Variants in FRAS1 observed in about 807,000 individuals in gnomAD.
The protein encoded by FRAS1 is Fraser extracellular matrix complex subunit 1.
A neutral mutation model predicts 435.2 loss-of-function variants in FRAS1; 290 were observed. The ratio of observed to expected loss-of-function variants is 0.67; its 90% CI spans 0.61 to 0.73. The LOEUF is 0.73. Ranked by LOEUF, FRAS1 falls within the 30% of genes least tolerant of loss-of-function variation. The probability of loss-of-function intolerance (pLI) is 0.00; values close to 1 mark genes in which losing one functional copy is unlikely to be tolerated. For missense variants in FRAS1, 4,860 were observed against 5,001.5 expected, an observed-to-expected ratio of 0.97 and a Z score of 0.85; for synonymous variants, 1,800 against 1,851.0, an observed-to-expected ratio of 0.97 and a Z score of 0.71.
chr4:78,253,774 G>A (rs1022249165), intron 5 of FRAS1, among the ~76,000 whole-genome samples: 5 of 152,164 alleles, frequency 3.3e-5, no homozygotes, highest in Non-Finnish European at 7.3e-5. Context: ...TGCATTCACA[G>A]CTCCTGAGAA....
chr4:78,087,634 G>T (rs1340778765), intron 2 of FRAS1, among the ~76,000 whole-genome samples: 1 of 152,054 alleles, frequency 6.6e-6, no homozygotes, highest in Non-Finnish European at 1.5e-5. Flanking sequence ...ACCAATAACA[G>T]ACAAACAGAG....
At chr4:78,151,658 A>G (rs946630978) in intron 2 of FRAS1, among the ~76,000 whole-genome samples, 2 of 152,176 alleles carry the variant, frequency 1.3e-5, no homozygotes, top group Admixed American at 6.6e-5. Flanking sequence ...AGAATGTGCT[A>G]TTATCTACTT....
intron 2 of FRAS1, among the ~76,000 whole-genome samples, chr4:78,128,995 C>T (rs1008648157): frequency 1.3e-5 from 2 of 152,166 alleles, no homozygotes; most frequent in African/African-American, 4.8e-5. Flanking sequence ...TTCCCAGCAC[C>T]ATTTATTAAA....
rs549099641 is a variant in FRAS1, at chr4:78,247,904, C to T, written c.309+2579C>T. Among the ~76,000 whole-genome samples, 62 of 152,184 alleles carry T rather than the reference C, an allele frequency of 4.1e-4. 2 individuals carry two copies. In the South Asian group the frequency reaches 8.5e-3, roughly 21 times the overall value. On this transcript the variant is annotated intron_variant, in intron 4 of 73. Coordinates refer to ENST00000512123, the MANE Select transcript of FRAS1 (RefSeq NM_025074.7). The stretch of plus-strand genomic sequence containing the variant: ...TTGAGAAGAGGATTTAGGATAGATT[C>T]GGTGTGGCAGGAGGGGAGGCAGTTG...
At chr4:78,305,241 T>G (rs1578240295) in intron 14 of FRAS1, among the ~76,000 whole-genome samples, 1 of 152,010 alleles carries the variant, frequency 6.6e-6, no homozygotes, top group South Asian at 2.1e-4. Context: ...TTGTTATAAT[T>G]TCTGTTCTTT....
At chr4:78,083,020 G>A (rs1296736566) in intron 2 of FRAS1, among the ~76,000 whole-genome samples, 2 of 152,148 alleles carry the variant, frequency 1.3e-5, no homozygotes, top group East Asian at 1.9e-4. Context: ...TAAAGAGTGA[G>A]AAGCAAGATA....
intron 2 of FRAS1, among the ~76,000 whole-genome samples, chr4:78,212,250 A>T (rs1428012863): frequency 6.6e-6 from 1 of 152,162 alleles, no homozygotes; most frequent in Non-Finnish European, 1.5e-5. Context: ...CTCATCTAAA[A>T]TGTTACCTTC....
intron 20 of FRAS1, among the ~76,000 whole-genome samples, chr4:78,354,018 T>TAAAAAAAAAAA (rs1730744898): frequency 2.6e-4 from 2 of 7,570 alleles, no homozygotes; most frequent in East Asian, 1.7e-3. Context: ...AAAAAAAAAA[T>TAAAAAAAAAAA]AAAATAAAAA....
At chr4:78,062,731 G>A (rs182819473) in intron 1 of FRAS1, among the ~76,000 whole-genome samples, 13 of 152,262 alleles carry the variant, frequency 8.5e-5, no homozygotes, top group Admixed American at 8.5e-4. Context: ...ATTTTATGCA[G>A]TAACGTTTTT....
At chr4:78,135,601 T>C (rs995650862) in intron 2 of FRAS1, among the ~76,000 whole-genome samples, 26 of 152,238 alleles carry the variant, frequency 1.7e-4, no homozygotes, top group African/African-American at 5.8e-4. Flanking sequence ...GTCTAGGTCA[T>C]GTGCAATAAT....
At chr4:78,129,928 C>T (rs141152620) in intron 2 of FRAS1, among the ~76,000 whole-genome samples, 4 of 152,282 alleles carry the variant, frequency 2.6e-5, no homozygotes, top group Admixed American at 6.5e-5. Flanking sequence ...CTTGTTGTTG[C>T]TGCCCCTGGC....
chr4:78,308,033 A>C (rs763258031), intron 14 of FRAS1, 33 bp from the exon 15 acceptor site: 2 of 1,570,948 alleles, frequency 1.3e-6, no homozygotes, highest in Admixed American at 1.8e-5. Context: ...TTTCTGCCGT[A>C]GATTACTCAC....
chr4:78,125,366 A>C (rs1719286224), intron 2 of FRAS1, among the ~76,000 whole-genome samples: 1 of 152,122 alleles, frequency 6.6e-6, no homozygotes, highest in Admixed American at 6.5e-5. Flanking sequence ...GTTTGTTATA[A>C]TTTCTGTTTT....
At chr4:78,089,216 G>A (rs1279583102) in intron 2 of FRAS1, among the ~76,000 whole-genome samples, 1 of 148,752 alleles carries the variant, frequency 6.7e-6, no homozygotes, top group African/African-American at 2.5e-5. Context: ...ACTCATAGGT[G>A]GGAATTGAAC....
chr4:78,226,924 T>G (rs539261371), intron 2 of FRAS1, among the ~76,000 whole-genome samples: 3 of 152,326 alleles, frequency 2.0e-5, no homozygotes, highest in African/African-American at 7.2e-5. Context: ...TGACTTATAT[T>G]CTTGTTTTCT....
At chr4:78,503,793 T>G (rs1421755145) in intron 61 of FRAS1, among the ~76,000 whole-genome samples, 1 of 152,228 alleles carries the variant, frequency 6.6e-6, no homozygotes, top group Non-Finnish European at 1.5e-5. Context: ...TCTAATCCTT[T>G]TAACTGTGAT....
intron 20 of FRAS1, among the ~76,000 whole-genome samples, chr4:78,354,187 G>A (rs146666985): frequency 6.6e-4 from 101 of 152,120 alleles, no homozygotes; most frequent in African/African-American, 2.1e-3. Context: ...CTGTTTCCTC[G>A]GCTCCTACGG....
intron 15 of FRAS1, 87 bp downstream of exon 15, chr4:78,308,296 A>G (rs1038676409): frequency 3.0e-5 from 40 of 1,348,094 alleles, no homozygotes; most frequent in Middle Eastern, 4.5e-4. Context: ...CACATTACCA[A>G]TGTTTCTTTT....
chr4:78,366,233 G>A (rs956887848), intron 22 of FRAS1, among the ~76,000 whole-genome samples: 5 of 152,142 alleles, frequency 3.3e-5, no homozygotes, highest in African/African-American at 1.2e-4. Context: ...CTTTAAAAAA[G>A]AGATGATATG....
Sources: gnomAD v4.1 joint callset for allele counts (sites outside exome capture counted in the v4.1 genomes callset) on GRCh38, gnomAD v4.1.1 for gene constraint, MANE v1.5 for transcripts, NCBI Gene and HGNC (gene_info 2026-07-23, HGNC 2026-07-21) for gene names.